HOXD13: variants seen among roughly 807,000 people sequenced by gnomAD.
The protein encoded by HOXD13 is homeobox D13.
HOXD13 carries 16 observed loss-of-function variants against 27.3 expected under a neutral mutation model. The ratio of observed to expected loss-of-function variants is 0.59; its 90% CI spans 0.40 to 0.89. The LOEUF (loss-of-function observed/expected upper bound fraction) is 0.89, where lower values mean the gene tolerates loss of function less well. HOXD13 is among the 40% of genes least tolerant of loss of function. The pLI is 0.00. For synonymous variants in HOXD13, 241 were observed against 219.0 expected (o/e 1.10, Z -0.89); for missense variants, 481 against 482.6 (o/e 1.00, Z 0.03).
rs566987103 is a variant in HOXD13 at position 176,093,505 on chromosome 2, C to T, written c.615C>T (p.Gly205=). The change falls in exon 1 of 2, where the codon GGC becomes GGT. Residue 205 remains glycine (G), a synonymous_variant. Transcript: ENST00000392539. The part of the protein sequence containing the change: ...GYTSPYQHVP[G]YIDMVSTFGS... ...CGAGCCCTTACCAGCACGTGCCCGG[C>T]TATATCGACATGGTGTCCACTTTCG... 1.9e-6 allele frequency: 3 copies of T among 1,614,080 alleles called. No homozygotes were observed. The highest frequency in any genetic ancestry group is 4.5e-5 in the East Asian group (2 of 44,858).
Position 176,094,398 on chromosome 2 carries a change from C to T in HOXD13, c.782-82C>T. 2.6e-6 allele frequency: 4 copies of T among 1,521,776 alleles called. No homozygotes were observed. The South Asian group carries it at 4.5e-5, about 17-fold the overall frequency. 94.3% of individuals were successfully genotyped at this position (1,521,776 alleles called of 1,614,324 possible). ...ACCCCTGCAAACGCACACACACACACACACACACACACACACACAATCCTC... is the reference window on the plus strand; with the variant it reads ...ACCCCTGCAAACGCACACACACACATACACACACACACACACACAATCCTC... On this transcript the variant is annotated intron_variant, in intron 1 of 1. Transcript: ENST00000392539.
chr2:176,090,812 T>C (rs1317800151), upstream of HOXD13, among the ~76,000 whole-genome samples: 2 of 152,214 alleles, frequency 1.3e-5, no homozygotes, highest in African/African-American at 4.8e-5. Flanking sequence ...ACCAAAATTG[T>C]TTCATAAAGA....
In HOXD13 at chr2:176,094,688, G is replaced by A. The variant is rs1689385587; in HGVS notation, c.990G>A (p.Lys330=). Residue 330 remains lysine, a synonymous_variant, in exon 2 of 2, where the codon AAG becomes AAA. Coordinates refer to ENST00000392539, the MANE Select transcript of HOXD13 (RefSeq NM_000523.4). ...VTIWFQNRRV[K]DKKIVSKLKD... ...TTTGGTTTCAGAACCGAAGAGTGAA[G>A]GACAAGAAAATTGTCTCCAAGCTCA... 5 of 1,613,992 alleles carry A rather than the reference G, an allele frequency of 3.1e-6. No individual in the cohort carries two copies. The highest frequency in any genetic ancestry group is 1.1e-5 in the South Asian group (1 of 91,074).
At chr2:176,090,155 T>C (rs1689298009), upstream of HOXD13, among the ~76,000 whole-genome samples, 1 of 152,232 alleles carries the variant, frequency 6.6e-6, no homozygotes, top group South Asian at 2.1e-4. Flanking sequence ...GGTGCTGGGC[T>C]TTGGAGCCCA....
Position 176,093,313 on chromosome 2 carries a change from G to T in HOXD13, c.423G>T (p.Ser141=), listed in dbSNP as rs775201150. Residue 141 remains serine, a synonymous_variant, in exon 1 of 2, where the codon TCG becomes TCT. Transcript: ENST00000392539. The stretch of plus-strand genomic sequence containing the variant: ...ACGGCTACTACAGCTGCCGTATGTC[G>T]CACGGCGTGGGCTTACAGCAGAATG... ...FGNGYYSCRM[S]HGVGLQQNAL... 1.9e-6 allele frequency: 3 copies of T among 1,612,752 alleles called. No individual in the cohort carries two copies. Among genetic ancestry groups the T allele is most frequent in the Admixed American group, 1.7e-5 (1 of 60,008 alleles).
chr2:176,093,088 G>GGCT lies in HOXD13; in HGVS notation c.200_201insTGC (p.Ala71dup). 1.1e-5 allele frequency: 15 copies of GGCT among 1,417,622 alleles called. No individual in the cohort carries two copies. The highest frequency in any genetic ancestry group is 7.5e-5 in the African/African-American group (5 of 66,586). The allele number at this position is 1,417,622 out of a possible 1,614,324, so 87.8% of individuals were successfully genotyped here. On this transcript the variant is annotated inframe_insertion, in exon 1 of 2. Transcript: ENST00000392539. ...CGGCGGCGGCAGCGGCGGCTGCGGC[G>GGCT]GCGGCGGCGGCAGCCTCCGGCTTTG...
upstream of HOXD13, among the ~76,000 whole-genome samples, chr2:176,088,960 G>C (rs925383996): frequency 3.3e-5 from 5 of 152,236 alleles, no homozygotes; most frequent in Non-Finnish European, 5.9e-5. Context: ...GGCTGGAGAA[G>C]TTCTCTCCAT....
rs1574944205 is a variant in HOXD13, at chr2:176,095,368, G to T, written c.*638G>T. The T allele has an allele frequency of 7.0e-5, 16 of 228,530 alleles. No individual in the cohort carries two copies. The South Asian group carries it at 2.9e-3, about 42-fold the overall frequency. 14.2% of individuals were successfully genotyped at this position (228,530 alleles called of 1,614,324 possible). ...GAAGACAATCTTTCCAACTTTGGGT[G>T]TTTCACTTGCTGTTTTAATTGTTTG... On this transcript the variant is annotated 3_prime_UTR_variant, in exon 2 of 2. Transcript: ENST00000392539.
chr2:176,092,885 C>G lies in HOXD13; in HGVS notation c.-6C>G, dbSNP rs1315555937. The stretch of plus-strand genomic sequence containing the variant: ...GGCCAGGGCCGGGGCCGGGCCAGGC[C>G]GGGCCATGAGCCGCGCCGGGAGCTG... On this transcript the variant is annotated 5_prime_UTR_variant, in exon 1 of 2. Coordinates refer to ENST00000392539, the MANE Select transcript of HOXD13 (RefSeq NM_000523.4). 1 of 1,254,012 alleles carries G rather than the reference C, an allele frequency of 8.0e-7. No homozygotes were observed. The allele number at this position is 1,254,012 out of a possible 1,614,324, so 77.7% of individuals were successfully genotyped here. A position where few individuals can be genotyped will look rare whatever the true frequency, so the allele number is the denominator to read the frequency against.
chr2:176,094,225 T>C (rs1689377005), intron 1 of HOXD13, among the ~76,000 whole-genome samples: 1 of 152,210 alleles, frequency 6.6e-6, no homozygotes, highest in Admixed American at 6.5e-5. Context: ...TGCAAGCTTG[T>C]TAAGATGCCG....
At chr2:176,093,792 C>A in intron 1 of HOXD13, 121 bp downstream of exon 1, 2 of 663,244 alleles carry the variant, frequency 3.0e-6, no homozygotes, top group Non-Finnish European at 5.2e-6. Flanking sequence ...CCACACGTGA[C>A]CAGGGTTAAC....
At chr2:176,090,392 T>A (rs1429147323), upstream of HOXD13, among the ~76,000 whole-genome samples, 1 of 152,218 alleles carries the variant, frequency 6.6e-6, no homozygotes, top group Non-Finnish European at 1.5e-5. Flanking sequence ...CATTGAGAAA[T>A]CCCTTTCAAC....
Position 176,092,934 on chromosome 2 carries a change from A to C in HOXD13, c.44A>C (p.Asp15Ala). Residue 15 changes from aspartate (D) to alanine (A), a missense_variant, in exon 1 of 2, where the codon GAC becomes GCC. Transcript: ENST00000392539. ...TGGGACATGGACGGGCTGCGGGCAG[A>C]CGGCGGGGGCGCCGGTGGCGCCCCG... ...GSWDMDGLRA[D>A]GGGAGGAPAS... is the part of the protein sequence containing the mutation. 1.5e-6 allele frequency: 2 copies of C among 1,326,004 alleles called. No homozygotes were observed. The highest frequency in any genetic ancestry group is 1.9e-6 in the Non-Finnish European group (2 of 1,041,716). The allele number at this position is 1,326,004 out of a possible 1,614,324, so 82.1% of individuals were successfully genotyped here. A position where few individuals can be genotyped will look rare whatever the true frequency, so the allele number is the denominator to read the frequency against.
In HOXD13 at chr2:176,093,184, C is replaced by T. The variant is rs760983394; in HGVS notation, c.294C>T (p.Arg98=). The change falls in exon 1 of 2, where the codon CGC becomes CGT. Residue 98 remains arginine (R), a synonymous_variant. Transcript: ENST00000392539. The stretch of plus-strand genomic sequence containing the variant: ...CCTCTTCTGCCGTTGTAGCGGCGCG[C>T]CCGGAGGCTCCCCCAGCCAAAGAGT... ...SSSSSAVVAA[R]PEAPPAKECP... The T allele has an allele frequency of 2.5e-6, 4 of 1,608,752 alleles. No homozygotes were observed. The East Asian group carries it at 8.9e-5, about 36-fold the overall frequency.
In HOXD13 at chr2:176,093,168, C is replaced by A. The variant is rs746687888; in HGVS notation, c.278C>A (p.Ala93Asp). The A allele has an allele frequency of 5.0e-6, 8 of 1,608,222 alleles. No individual in the cohort carries two copies. The highest frequency in any genetic ancestry group is 6.8e-6 in the Non-Finnish European group (8 of 1,179,504). Reference protein sequence around the residue: ...TGSSSSSSSSAVVAARPEAPP... With the variant: ...TGSSSSSSSSDVVAARPEAPP... Reference sequence around the variant, plus strand: ...TCTTCCTCGTCGTCGTCCTCTTCTGCCGTTGTAGCGGCGCGCCCGGAGGCT... The same window carrying A: ...TCTTCCTCGTCGTCGTCCTCTTCTGACGTTGTAGCGGCGCGCCCGGAGGCT... The change falls in exon 1 of 2, where the codon GCC (alanine) becomes GAC (aspartate). Residue 93 changes from alanine (A) to aspartate (D), a missense_variant. Transcript: ENST00000392539.
Position 176,093,388 on chromosome 2 carries a change from G to A in HOXD13, c.498G>A (p.Lys166=), listed in dbSNP as rs2105378782. ...CGCTGGGAGGCTTTCCCGTGGAGAAGTACATGGACGTGTCAGGCCTGGCGA... is the reference window on the plus strand; with the variant it reads ...CGCTGGGAGGCTTTCCCGTGGAGAAATACATGGACGTGTCAGGCCTGGCGA... ...HASLGGFPVE[K]YMDVSGLASS... is the part of the protein sequence containing the mutation. The change falls in exon 1 of 2, where the codon AAG becomes AAA. Residue 166 remains lysine (K), a synonymous_variant. Transcript: ENST00000392539. 6.2e-7 allele frequency: 1 copy of A among 1,614,016 alleles called. No individual in the cohort carries two copies. The highest frequency in any genetic ancestry group is 8.5e-7 in the Non-Finnish European group (1 of 1,180,042).
At chr2:176,090,341 G>T (rs1559106626), upstream of HOXD13, among the ~76,000 whole-genome samples, 1 of 152,234 alleles carries the variant, frequency 6.6e-6, no homozygotes, top group Non-Finnish European at 1.5e-5. Context: ...CTTTTGCCCT[G>T]CTCTGAGAGG....
chr2:176,094,092 G>C (rs1382165100), intron 1 of HOXD13, among the ~76,000 whole-genome samples: 1 of 152,204 alleles, frequency 6.6e-6, no homozygotes, highest in Non-Finnish European at 1.5e-5. Flanking sequence ...AGGAACGCGG[G>C]AAATCAAAAT....
chr2:176,088,569 G>A (rs115632146), upstream of HOXD13, among the ~76,000 whole-genome samples: 6,288 of 152,070 alleles, frequency 0.041, 199 homozygotes, highest in Middle Eastern at 0.086. Flanking sequence ...TCCCCCCTTC[G>A]TGCTTGGGCA....
Sources: gnomAD v4.1 joint callset for allele counts (sites outside exome capture counted in the v4.1 genomes callset) on GRCh38, gnomAD v4.1.1 for gene constraint, MANE v1.5 for transcripts, NCBI Gene and HGNC (gene_info 2026-07-23, HGNC 2026-07-21) for gene names.